The following CFAP69 variants were observed in gnomAD, a reference collection of about 807,000 sequenced individuals.
The protein encoded by CFAP69 is cilia- and flagella-associated protein 69.
Under a neutral mutation model 123.0 loss-of-function variants are expected in CFAP69, and 92 were observed. That is an observed-to-expected ratio of 0.75 (90% confidence interval 0.63 to 0.89). The LOEUF (loss-of-function observed/expected upper bound fraction) is 0.89, where lower values mean the gene tolerates loss of function less well. Ranked by LOEUF, CFAP69 falls within the 40% of genes least tolerant of loss-of-function variation. The pLI is 0.00. For missense variants in CFAP69, 1,067 were observed against 1,096.9 expected (o/e 0.97, Z 0.39); for synonymous variants, 380 against 364.3 (o/e 1.04, Z -0.49).
intron 9 of CFAP69, 123 bp downstream of exon 9, chr7:90,274,233 C>A: frequency 8.5e-7 from 1 of 1,180,474 alleles, no homozygotes; most frequent in Non-Finnish European, 1.2e-6. Flanking sequence ...GCTGTAATAT[C>A]TTGATGGTCA....
Position 90,297,764 on chromosome 7 carries a change from A to T in CFAP69, c.1791A>T (p.Gly597=). 6.4e-7 allele frequency: 1 copy of T among 1,571,952 alleles called. No individual in the cohort carries two copies. ...TLDSIWCCIL[G]CYPSEDYFLE... ...TTAATTTAAGGTGCTGTATTTTGGGATGTTATCCCTCAGAGGATTATTTTC... is the reference window on the plus strand; with the variant it reads ...TTAATTTAAGGTGCTGTATTTTGGGTTGTTATCCCTCAGAGGATTATTTTC... The change falls in exon 16 of 23, where the codon GGA becomes GGT. Residue 597 remains glycine (G), a synonymous_variant. Coordinates refer to ENST00000389297, the MANE Select transcript of CFAP69 (RefSeq NM_001039706.3).
chr7:90,283,949 T>C (rs1368797671), intron 13 of CFAP69, among the ~76,000 whole-genome samples: 1 of 152,080 alleles, frequency 6.6e-6, no homozygotes, highest in African/African-American at 2.4e-5. Context: ...AGGAGCTAGG[T>C]GAAAACATTT....
At chr7:90,269,128 A>G (rs1251377899) in intron 6 of CFAP69, among the ~76,000 whole-genome samples, 1 of 152,102 alleles carries the variant, frequency 6.6e-6, no homozygotes, top group Non-Finnish European at 1.5e-5. Flanking sequence ...AAGGAAGTCA[A>G]AAAGTAAAAC....
chr7:90,282,903 A>T lies in CFAP69; in HGVS notation c.1384A>T (p.Ser462Cys), dbSNP rs1458088569. 1 of 1,489,274 alleles carries T rather than the reference A, an allele frequency of 6.7e-7. No individual in the cohort carries two copies. Among genetic ancestry groups the T allele is most frequent in the Admixed American group, 2.4e-5 (1 of 42,218 alleles). 92.3% of individuals were successfully genotyped at this position (1,489,274 alleles called of 1,614,324 possible). A position where few individuals can be genotyped will look rare whatever the true frequency, so the allele number is the denominator to read the frequency against. Residue 462 changes from serine (S) to cysteine (C), a missense_variant, in exon 13 of 23, where the codon AGT (serine) becomes TGT (cysteine). Physicochemically the swap from Ser to Cys is moderately radical, Grantham distance 112. Coordinates refer to ENST00000389297, the MANE Select transcript of CFAP69 (RefSeq NM_001039706.3). ...CTTTTTCTCCACAGATCCGTTTTTCAGTCATGGTAACAGTTTTCATGGTAC... is the reference window on the plus strand; with the variant it reads ...CTTTTTCTCCACAGATCCGTTTTTCTGTCATGGTAACAGTTTTCATGGTAC... ...EWCESEDPFFSHGNSFHGTGG... is the reference protein window; with the variant it reads ...EWCESEDPFFCHGNSFHGTGG...
chr7:90,265,261 T>C (rs1220977048), intron 4 of CFAP69, 40 bp from the exon 5 acceptor site: 1 of 1,310,706 alleles, frequency 7.6e-7, no homozygotes, highest in Middle Eastern at 2.0e-4. Flanking sequence ...TTAAAGACTT[T>C]ATTAAAAATT....
At chr7:90,289,659 T>C (rs138009449) in intron 15 of CFAP69, among the ~76,000 whole-genome samples, 1 of 152,118 alleles carries the variant, frequency 6.6e-6, no homozygotes, top group Non-Finnish European at 1.5e-5. Flanking sequence ...TTTTTTATGG[T>C]CAGTACTTTT....
chr7:90,250,187 GGAGAGAGA>G (rs10527106), intron 1 of CFAP69, among the ~76,000 whole-genome samples: 3,487 of 125,732 alleles, frequency 0.028, 136 homozygotes, highest in Admixed American at 0.048. Context: ...TTTAAAGAGA[GGAGAGAGA>G]GAGAGAGAGA....
chr7:90,303,174 C>T (rs1412092491), intron 17 of CFAP69: 2 of 152,014 alleles, frequency 1.3e-5, no homozygotes, highest in South Asian at 2.1e-4. Context: ...TTTCGTGTCC[C>T]GCAACTTTGC....
rs778864304 is a variant in CFAP69, at chr7:90,299,958, A to G, written c.1949A>G (p.Gln650Arg). Residue 650 changes from glutamine to arginine, a missense_variant, in exon 17 of 23, where the codon CAA becomes CGA. Transcript: ENST00000389297. ...PKTAAHVNAW[Q>R]GKKDQTAASL... is the part of the protein sequence containing the mutation. ...ACTGCAGCTCATGTCAATGCTTGGC[A>G]AGGGAAGAAGGATCAGACAGCTGCT... 5.6e-6 allele frequency: 9 copies of G among 1,612,362 alleles called. No individual in the cohort carries two copies. In the East Asian group the frequency reaches 1.8e-4, roughly 32 times the overall value.
intron 4 of CFAP69, among the ~76,000 whole-genome samples, chr7:90,264,966 G>A (rs1798938284): frequency 5.3e-5 from 8 of 151,868 alleles, no homozygotes; most frequent in Admixed American, 5.3e-4. Flanking sequence ...GTGAATTTTT[G>A]TATTTTTAGA....
intron 12 of CFAP69, among the ~76,000 whole-genome samples, chr7:90,281,505 T>G (rs1789487518): frequency 6.6e-6 from 1 of 152,158 alleles, no homozygotes; most frequent in Admixed American, 6.5e-5. Context: ...GAGATGATAC[T>G]GCCAATCAGT....
Position 90,265,371 on chromosome 7 carries a change from C to G in CFAP69, c.427C>G (p.Leu143Val). 6.2e-7 allele frequency: 1 copy of G among 1,605,848 alleles called. No individual in the cohort carries two copies. ...TGAAGATACTGCTAATTCAATTGCA[C>G]TTCTGGGTAAGTTAAGATTTCCTTA... ...YAEDTANSIA[L>V]LGDLMKIPSS... The change falls in exon 5 of 23, where the codon CTT becomes GTT. Residue 143 changes from leucine (L) to valine (V), a missense_variant. Physicochemically the swap from Leu to Val is conservative, Grantham distance 32 (BLOSUM62 1). Coordinates refer to ENST00000389297, the MANE Select transcript of CFAP69 (RefSeq NM_001039706.3).
At position 90,273,985 on chromosome 7, in the gene CFAP69, A is replaced by G; in HGVS notation, c.861-2A>G. ...TTTTTAAAATATGATTTTACTTTCT[A>G]GGGCTTTGAAGGAAGTATTTAAAAA... is the stretch of plus-strand genomic sequence containing the variant. On this transcript the variant is annotated splice_acceptor_variant, in intron 8 of 22. Transcript: ENST00000389297. LOFTEE classifies it high-confidence loss of function. 6.3e-7 allele frequency: 1 copy of G among 1,582,522 alleles called. No individual in the cohort carries two copies. The highest frequency in any genetic ancestry group is 1.4e-5 in the African/African-American group (1 of 72,868).
chr7:90,257,172 C>T (rs2116670104), intron 2 of CFAP69, among the ~76,000 whole-genome samples: 1 of 152,212 alleles, frequency 6.6e-6, no homozygotes, highest in South Asian at 2.1e-4. Flanking sequence ...ATATGGTACC[C>T]ATGTGGTACA....
intron 15 of CFAP69, among the ~76,000 whole-genome samples, chr7:90,292,065 A>G (rs1380589766): frequency 6.6e-6 from 1 of 152,160 alleles, no homozygotes; most frequent in African/African-American, 2.4e-5. Context: ...TTTCCCATTT[A>G]TCCTAAAGAC....
chr7:90,272,709 A>G (rs541330697), intron 8 of CFAP69, among the ~76,000 whole-genome samples: 1 of 152,036 alleles, frequency 6.6e-6, no homozygotes, highest in Non-Finnish European at 1.5e-5. Flanking sequence ...CTCTCTCTAC[A>G]TTGTCTTCCA....
chr7:90,246,374 G>T (rs1453111433), intron 1 of CFAP69, among the ~76,000 whole-genome samples: 1 of 152,146 alleles, frequency 6.6e-6, no homozygotes, highest in Non-Finnish European at 1.5e-5. Context: ...TCACACTAAT[G>T]GTGTGGGGCC....
chr7:90,264,968 A>G (rs1020005232), intron 4 of CFAP69, among the ~76,000 whole-genome samples: 1 of 151,748 alleles, frequency 6.6e-6, no homozygotes, highest in African/African-American at 2.4e-5. Flanking sequence ...GAATTTTTGT[A>G]TTTTTAGAAG....
intron 1 of CFAP69, among the ~76,000 whole-genome samples, chr7:90,249,995 A>G (rs1216501679): frequency 6.6e-6 from 1 of 152,168 alleles, no homozygotes; most frequent in Admixed American, 6.6e-5. Context: ...ACTGTCAGTA[A>G]TACTTCCATG....
Sources: allele counts gnomAD v4.1 joint callset (sites outside exome capture counted in the v4.1 genomes callset), GRCh38; gene constraint gnomAD v4.1.1; transcripts MANE v1.5; gene names NCBI Gene and HGNC (gene_info 2026-07-23, HGNC 2026-07-21).